NOTCH3: variants seen among roughly 807,000 people sequenced by gnomAD.
NOTCH3 encodes the protein neurogenic locus notch homolog protein 3.
NOTCH3 carries 86 observed loss-of-function variants against 213.3 expected under a neutral mutation model. That is an observed-to-expected ratio of 0.40 (90% CI 0.34 to 0.48). NOTCH3 has a LOEUF of 0.48. Ranked by LOEUF, NOTCH3 falls within the 20% of genes least tolerant of loss-of-function variation. NOTCH3 has a pLI of 0.57. For synonymous variants in NOTCH3, 1,354 were observed against 1,355.9 expected, an observed-to-expected ratio of 1.00 and a Z score of 0.03; for missense variants, 2,783 against 3,272.6, an observed-to-expected ratio of 0.85 and a Z score of 3.65.
intron 1 of NOTCH3, among the ~76,000 whole-genome samples, chr19:15,198,126 G>T (rs1215684570): frequency 6.6e-6 from 1 of 152,206 alleles, no homozygotes; most frequent in African/African-American, 2.4e-5. Context: ...GCCAGCGCTG[G>T]GCGTTGCTGG....
chr19:15,188,555 T>A (rs1029672833), intron 8 of NOTCH3, among the ~76,000 whole-genome samples: 2 of 152,008 alleles, frequency 1.3e-5, no homozygotes, highest in Non-Finnish European at 2.9e-5. Flanking sequence ...CTCATGGGTG[T>A]CCGCAGAGGC....
At chr19:15,200,739 A>C (rs1599403746) in intron 1 of NOTCH3, 49 bp downstream of exon 1, 2 of 1,212,806 alleles carry the variant, frequency 1.6e-6, no homozygotes, top group East Asian at 3.3e-5. Flanking sequence ...GGGTTCTTGC[A>C]CTCCCCCTCT....
At position 15,161,165 on chromosome 19, in the gene NOTCH3, C is replaced by G. The variant is rs1244961873; in HGVS notation, c.6463G>C (p.Gly2155Arg). Reference protein sequence around the residue: ...RAGLGRQPPGGCVLSLGLLNP... With the variant: ...RAGLGRQPPGRCVLSLGLLNP... The stretch of plus-strand genomic sequence containing the variant: ...AGCAGGCCCAGGCTGAGTACACATC[C>G]TCCAGGGGGCTGGCGCCCTAGACCC... The change falls in exon 33 of 33, where the codon GGA (glycine) becomes CGA (arginine). Residue 2155 changes from glycine to arginine, a missense_variant. Coordinates refer to ENST00000263388, the MANE Select transcript of NOTCH3 (RefSeq NM_000435.3). The G allele has an allele frequency of 2.4e-5, 37 of 1,538,970 alleles. No homozygotes were observed. The highest frequency in any genetic ancestry group is 3.0e-5 in the Non-Finnish European group (35 of 1,148,616).
intron 32 of NOTCH3, 41 bp from the exon 33 acceptor site, chr19:15,161,755 T>C: frequency 6.3e-7 from 1 of 1,581,466 alleles, no homozygotes; most frequent in Non-Finnish European, 8.7e-7. Context: ...AAACCCCAGC[T>C]AACAGTAGCA....
At chr19:15,163,605 A>T (rs917376311) in intron 31 of NOTCH3, among the ~76,000 whole-genome samples, 2 of 152,200 alleles carry the variant, frequency 1.3e-5, no homozygotes, top group Non-Finnish European at 2.9e-5. Context: ...CCAAGGTGGG[A>T]GTATTGCTTA....
At position 15,161,922 on chromosome 19, in the gene NOTCH3, G is replaced by A. The variant is rs73504088; in HGVS notation, c.5914-208C>T. On this transcript the variant is annotated intron_variant, in intron 32 of 32. Transcript: ENST00000263388. ...CACCTACTAAGTGCCAGAGGTCAAGGCCAGGACTAGGGTGAGTTAAGCGAG... is the reference window on the plus strand; with the variant it reads ...CACCTACTAAGTGCCAGAGGTCAAGACCAGGACTAGGGTGAGTTAAGCGAG... 0.038 allele frequency among the ~76,000 whole-genome samples: 5,723 copies of A among 151,558 alleles called. 352 individuals are homozygous for A. Among genetic ancestry groups the A allele is most frequent in the African/African-American group, 0.13 (5,461 of 41,250 alleles).
In NOTCH3 at chr19:15,197,507, C is replaced by T; in HGVS notation, c.190G>A (p.Ala64Thr). ...TCTGAGCCAGGCACTCACAGGCAGG[C>T]AGCCTCCCGGGAGGGCAGCTGGGTG... is the stretch of plus-strand genomic sequence containing the variant. ...RCTQLPSREA[A>T]CLCPPGWVGE... The change falls in exon 2 of 33, where the codon GCC (alanine) becomes ACC (threonine). Residue 64 changes from alanine to threonine, a missense_variant. By Grantham distance (58) the Ala-to-Thr change is moderately conservative (BLOSUM62 0). Coordinates refer to ENST00000263388, the MANE Select transcript of NOTCH3 (RefSeq NM_000435.3). The T allele has an allele frequency of 1.3e-6, 2 of 1,598,730 alleles. No homozygotes were observed. Among genetic ancestry groups the T allele is most frequent in the Non-Finnish European group, 8.5e-7 (1 of 1,173,042 alleles).
At chr19:15,187,389 C>T (rs771412078) in intron 10 of NOTCH3, 51 bp from the exon 11 acceptor site, 2 of 1,524,424 alleles carry the variant, frequency 1.3e-6, no homozygotes, top group Non-Finnish European at 1.8e-6. Context: ...GGCCTGCCCA[C>T]AAGTGAGGCC....
rs760908917 is a variant in NOTCH3 at position 15,189,391 on chromosome 19, G to C, written c.1074C>G (p.Asn358Lys). 1.9e-6 allele frequency: 3 copies of C among 1,613,782 alleles called. No individual in the cohort carries two copies. Among genetic ancestry groups the C allele is most frequent in the Non-Finnish European group, 1.7e-6 (2 of 1,180,050 alleles). The change falls in exon 7 of 33, where the codon AAC becomes AAG. Residue 358 changes from asparagine (N) to lysine (K), a missense_variant. By Grantham distance (94) the Asn-to-Lys change is moderately conservative. Transcript: ENST00000263388. The part of the protein sequence containing the change: ...LCHLDDACVS[N>K]PCHEDAICDT... Reference sequence around the variant, plus strand: ...CACAGATAGCATCCTCGTGGCAGGGGTTGCTGACACAGGCGTCATCCAGGT... The same window carrying C: ...CACAGATAGCATCCTCGTGGCAGGGCTTGCTGACACAGGCGTCATCCAGGT...
intron 2 of NOTCH3, among the ~76,000 whole-genome samples, chr19:15,193,961 A>G (rs922277067): frequency 6.6e-6 from 1 of 151,828 alleles, no homozygotes; most frequent in African/African-American, 2.4e-5. Flanking sequence ...GCACTCGTGT[A>G]GTCCCCGCTA....
At position 15,179,402 on chromosome 19, in the gene NOTCH3, A is replaced by T; in HGVS notation, c.3422T>A (p.Val1141Glu). ...GGGACAGGAGCAGAGATAGCGGGCC[A>T]CGAGGTCAATGCATGAACCCCCGTG... is the stretch of plus-strand genomic sequence containing the variant. Reference protein sequence around the residue: ...CQHGGSCIDLVARYLCSCPPG... With the variant: ...CQHGGSCIDLEARYLCSCPPG... The change falls in exon 21 of 33, where the codon GTG (valine) becomes GAG (glutamate). Residue 1141 changes from valine (V) to glutamate (E), a missense_variant. This residue lies in a region of NOTCH3 where 861 missense variants were observed against 909.1 expected (regional missense o/e 0.95). Coordinates refer to ENST00000263388, the MANE Select transcript of NOTCH3 (RefSeq NM_000435.3). The T allele has an allele frequency of 6.2e-7, 1 of 1,614,164 alleles. No homozygotes were observed. Among genetic ancestry groups the T allele is most frequent in the Non-Finnish European group, 8.5e-7 (1 of 1,180,030 alleles).
intron 24 of NOTCH3, among the ~76,000 whole-genome samples, chr19:15,176,650 C>A (rs1390929203): frequency 6.6e-6 from 1 of 151,268 alleles, no homozygotes; most frequent in African/African-American, 2.4e-5. Flanking sequence ...GTGGTCCCAG[C>A]TCCTAGGGAG....
chr19:15,183,912 C>G (rs1875933173), intron 16 of NOTCH3, among the ~76,000 whole-genome samples: 2 of 151,684 alleles, frequency 1.3e-5, no homozygotes, highest in South Asian at 2.1e-4. Context: ...ATTAGCTGGG[C>G]GCTGTGGTGT....
At chr19:15,180,284 A>G (rs1404855562) in intron 19 of NOTCH3, 28 bp from the exon 20 acceptor site, 2 of 1,612,010 alleles carry the variant, frequency 1.2e-6, no homozygotes, top group Non-Finnish European at 1.7e-6. Context: ...GCACAGGAAC[A>G]GAGGTAACCC....
chr19:15,169,437 G>A (rs188913026), intron 28 of NOTCH3, among the ~76,000 whole-genome samples: 11 of 149,312 alleles, frequency 7.4e-5, no homozygotes, highest in Middle Eastern at 3.6e-3. Context: ...ACGGAGTTTC[G>A]CTCTTGTTGC....
intron 1 of NOTCH3, among the ~76,000 whole-genome samples, chr19:15,199,715 T>G (rs2046996144): frequency 6.6e-6 from 1 of 152,176 alleles, no homozygotes; most frequent in Non-Finnish European, 1.5e-5. Context: ...TGTGCGCCGC[T>G]GGTCCGGCGG....
At chr19:15,164,275 C>A (rs980524925) in intron 31 of NOTCH3, among the ~76,000 whole-genome samples, 8 of 152,038 alleles carry the variant, frequency 5.3e-5, no homozygotes, top group African/African-American at 1.7e-4. Flanking sequence ...CTCAGTGGCT[C>A]ATGCCTATAA....
Position 15,187,222 on chromosome 19 carries a change from T to A in NOTCH3, c.1723A>T (p.Thr575Ser). 6.2e-7 allele frequency: 1 copy of A among 1,614,092 alleles called. No homozygotes were observed. Reference sequence around the variant, plus strand: ...ACCTGGCTCTCGCAGCGTGTGCCCGTGTAGCCAGGAGCACAGGCACATGAG... The same window carrying A: ...ACCTGGCTCTCGCAGCGTGTGCCCGAGTAGCCAGGAGCACAGGCACATGAG... ...SFSCACAPGY[T>S]GTRCESQVDE... The change falls in exon 11 of 33, where the codon ACG becomes TCG. Residue 575 changes from threonine to serine, a missense_variant. Physicochemically the swap from Thr to Ser is moderately conservative, Grantham distance 58 (BLOSUM62 1). Around this residue, in one of 6 missense-constraint regions of NOTCH3, gnomAD observed 708 missense variants for 906.6 expected, o/e 0.78. Coordinates refer to ENST00000263388, the MANE Select transcript of NOTCH3 (RefSeq NM_000435.3).
In NOTCH3 at chr19:15,165,225, C is replaced by A; in HGVS notation, c.5815+143G>T. ...AAGGACTAGTGGTGACCCTGCATGA[C>A]CCTGCAGGCTTCATGAAGCCTGGTT... On this transcript the variant is annotated intron_variant, in intron 31 of 32. Coordinates refer to ENST00000263388, the MANE Select transcript of NOTCH3 (RefSeq NM_000435.3). The surrounding 1 kb of genome is among the most constrained non-coding windows in gnomAD (Gnocchi z 4.7). The A allele has an allele frequency of 1.2e-6, 1 of 863,498 alleles. No homozygotes were observed. Among genetic ancestry groups the A allele is most frequent in the South Asian group, 1.4e-5 (1 of 72,928 alleles). The allele number at this position is 863,498 out of a possible 1,614,324, so 53.5% of individuals were successfully genotyped here. A position where few individuals can be genotyped will look rare whatever the true frequency, so the allele number is the denominator to read the frequency against.
Sources: allele counts gnomAD v4.1 joint callset (sites outside exome capture counted in the v4.1 genomes callset), GRCh38; gene constraint gnomAD v4.1.1; regional missense constraint gnomAD v4.1.1; non-coding constraint Gnocchi (gnomAD v3.1); transcripts MANE v1.5; gene names NCBI Gene and HGNC (gene_info 2026-07-23, HGNC 2026-07-21).